USP40: variants seen among roughly 807,000 people sequenced by gnomAD.
USP40 encodes ubiquitin carboxyl-terminal hydrolase 40.
A neutral mutation model predicts 166.2 loss-of-function variants in USP40; 143 were observed. That is an observed-to-expected ratio of 0.86 (90% CI 0.75 to 0.99). USP40 has a LOEUF of 0.99. Ranked by LOEUF, USP40 falls within the 50% of genes least tolerant of loss-of-function variation. The pLI is 0.00. For synonymous variants in USP40, 498 were observed against 524.0 expected (o/e 0.95, Z 0.68); for missense variants, 1,444 against 1,479.7 (o/e 0.98, Z 0.40).
chr2:233,554,475 C>T lies in USP40; in HGVS notation c.598G>A (p.Asp200Asn), dbSNP rs779173983. 1.1e-5 allele frequency: 17 copies of T among 1,612,798 alleles called. No homozygotes were observed. Among genetic ancestry groups the T allele is most frequent in the Non-Finnish European group, 1.4e-5 (17 of 1,179,534 alleles). The change falls in exon 6 of 32, where the codon GAT (aspartate) becomes AAT (asparagine). Residue 200 changes from aspartate (D) to asparagine (N), a missense_variant. By Grantham distance (23) the Asp-to-Asn change is conservative. Transcript: ENST00000678225. ...VAVKNVSGLE[D>N]ALWNMYVEEE... is the part of the protein sequence containing the mutation. ...TCTACATACATGTTCCAGAGAGCATCTTCCAAACCGGATACATTTTTGACT... is the reference window on the plus strand; with the variant it reads ...TCTACATACATGTTCCAGAGAGCATTTTCCAAACCGGATACATTTTTGACT...
chr2:233,546,529 C>A (rs1001743572), intron 8 of USP40: 6 of 152,304 alleles, frequency 3.9e-5, no homozygotes, highest in Admixed American at 3.9e-4. Flanking sequence ...TGAGGTGGAA[C>A]CTGGGCTGGC....
At chr2:233,552,789 A>T (rs2070697758) in intron 6 of USP40, among the ~76,000 whole-genome samples, 2 of 152,250 alleles carry the variant, frequency 1.3e-5, no homozygotes. Context: ...TATAATCTCC[A>T]GGATACAAAA....
In USP40 at chr2:233,485,772, T is replaced by C; in HGVS notation, c.3403A>G (p.Ser1135Gly). Reference protein sequence around the residue: ...PEKFEWLPISSWNQQITKRKK... With the variant: ...PEKFEWLPISGWNQQITKRKK... ...AGACAGCCCCACAACTTTACCCAGC[T>C]AGATATCGGAAGCCACTCGAACTTT... The change falls in exon 29 of 32, where the codon AGC (serine) becomes GGC (glycine). Residue 1135 changes from serine to glycine, a missense_variant. Ser to Gly is a moderately conservative substitution (Grantham distance 56). Coordinates refer to ENST00000678225, the MANE Select transcript of USP40 (RefSeq NM_001365479.2). The C allele has an allele frequency of 1.2e-6, 2 of 1,613,194 alleles. No individual in the cohort carries two copies. The highest frequency in any genetic ancestry group is 8.5e-7 in the Non-Finnish European group (1 of 1,179,632).
intron 27 of USP40, 96 bp from the exon 28 acceptor site, chr2:233,488,400 G>A: frequency 1.6e-6 from 2 of 1,226,732 alleles, no homozygotes; most frequent in South Asian, 1.4e-5. Flanking sequence ...CTTAAGCAAA[G>A]AATTGTTTTC....
At position 233,533,572 on chromosome 2, in the gene USP40, T is replaced by G. The variant is rs748260896; in HGVS notation, c.1378A>C (p.Ile460Leu). The change falls in exon 11 of 32, where the codon ATC becomes CTC. Residue 460 changes from isoleucine (I) to leucine (L), a missense_variant. Transcript: ENST00000678225. ...FDINDSKVQP[I>L]REKDIEQQFQ... ...TGCTGTTCAATATCCTTTTCCCTGA[T>G]TGGCTGGACTTTAGAATCATTTATA... The G allele has an allele frequency of 6.2e-7, 1 of 1,613,904 alleles. No individual in the cohort carries two copies. Among genetic ancestry groups the G allele is most frequent in the Non-Finnish European group, 8.5e-7 (1 of 1,179,822 alleles).
chr2:233,500,965 AG>A (rs1283080147), intron 21 of USP40, among the ~76,000 whole-genome samples: 1 of 152,232 alleles, frequency 6.6e-6, no homozygotes, highest in Non-Finnish European at 1.5e-5. Context: ...GTGGTAACCA[AG>A]GGGGATTGTT....
intron 9 of USP40, among the ~76,000 whole-genome samples, chr2:233,541,639 C>T (rs902148562): frequency 2.0e-5 from 3 of 152,132 alleles, no homozygotes; most frequent in African/African-American, 7.2e-5. Flanking sequence ...TTAAAGTACT[C>T]GACCCAGGTC....
intron 24 of USP40, among the ~76,000 whole-genome samples, chr2:233,494,951 TATA>T (rs2065622921): frequency 3.2e-5 from 1 of 31,458 alleles, no homozygotes; most frequent in Non-Finnish European, 5.5e-5. Flanking sequence ...TATATATATA[TATA>T]TTTATATATA....
chr2:233,504,178 C>T (rs1350089449), intron 21 of USP40, among the ~76,000 whole-genome samples: 1 of 151,822 alleles, frequency 6.6e-6, no homozygotes, highest in Admixed American at 6.6e-5. Context: ...GAAAAAGAAA[C>T]AAAGCTTAGC....
intron 24 of USP40, 100 bp downstream of exon 24, chr2:233,496,657 CT>C (rs1277919096): frequency 4.6e-6 from 4 of 878,698 alleles, no homozygotes; most frequent in Non-Finnish European, 7.0e-6. Flanking sequence ...CTCTTTATGA[CT>C]GTCTGAATTT....
intron 8 of USP40, chr2:233,546,894 ATT>A (rs1394328483): frequency 6.6e-6 from 1 of 152,190 alleles, no homozygotes; most frequent in Non-Finnish European, 1.5e-5. Context: ...ATTGGCTCAA[ATT>A]AAACATGGTA....
Position 233,523,195 on chromosome 2 carries a change from T to C in USP40, c.2176A>G (p.Ile726Val). Residue 726 changes from isoleucine (I) to valine (V), a missense_variant, in exon 16 of 32, where the codon ATT (isoleucine) becomes GTT (valine). Physicochemically the swap from Ile to Val is conservative, Grantham distance 29. Transcript: ENST00000678225. ...CTGTTATCATCATGAGAATCCTGAA[T>C]TAAAATTGAGCTTCCATTTCTGAGC... ...QGLRNGSSIL[I>V]QDSHDDNSLL... 1 of 1,611,576 alleles carries C rather than the reference T, an allele frequency of 6.2e-7. No individual in the cohort carries two copies. Among genetic ancestry groups the C allele is most frequent in the Non-Finnish European group, 8.5e-7 (1 of 1,178,084 alleles).
At chr2:233,502,540 C>A (rs1347368290) in intron 21 of USP40, among the ~76,000 whole-genome samples, 2 of 152,152 alleles carry the variant, frequency 1.3e-5, no homozygotes, top group African/African-American at 4.8e-5. Context: ...GTGGCCCTGC[C>A]TCCCCAGAGA....
chr2:233,493,560 T>G lies in USP40; in HGVS notation c.2791-9A>C. 6.2e-7 allele frequency: 1 copy of G among 1,608,046 alleles called. No individual in the cohort carries two copies. Among genetic ancestry groups the G allele is most frequent in the Admixed American group, 1.7e-5 (1 of 59,056 alleles). On this transcript the variant is annotated splice_polypyrimidine_tract_variant and intron_variant, in intron 24 of 31. Coordinates refer to ENST00000678225, the MANE Select transcript of USP40 (RefSeq NM_001365479.2). This position sits in a 1 kb window ranked among gnomAD's most constrained non-coding sequence, Gnocchi z 4.7. ...GGCACCTTCAGGAAACCCTGAAGAATGGAGCATGTTTAACTGCTGTGATTA... is the reference window on the plus strand; with the variant it reads ...GGCACCTTCAGGAAACCCTGAAGAAGGGAGCATGTTTAACTGCTGTGATTA...
At chr2:233,508,398 G>C (rs1424845494) in intron 21 of USP40, among the ~76,000 whole-genome samples, 6 of 152,178 alleles carry the variant, frequency 3.9e-5, no homozygotes, top group African/African-American at 1.4e-4. Flanking sequence ...TTGTAGAAGA[G>C]TTTTCTGATC....
chr2:233,511,833 A>G (rs2066863931), intron 19 of USP40, 36 bp from the exon 20 acceptor site: 1 of 1,466,968 alleles, frequency 6.8e-7, no homozygotes, highest in African/African-American at 1.4e-5. Flanking sequence ...GAAGGTTATT[A>G]ATTCCTAGCT....
In USP40 at chr2:233,485,525, ACTTAC is replaced by A. The variant is rs2064888867; in HGVS notation, c.3504+1_3504+5del. On this transcript the variant is annotated splice_donor_variant and splice_donor_5th_base_variant and intron_variant, in intron 30 of 31. Transcript: ENST00000678225. LOFTEE classifies it high-confidence loss of function. ...AAAGTGGTAAATTTGCTGTTAAACA[ACTTAC>A]CTTAACACCAATAGTATCTCCGTCT... 4 of 1,611,290 alleles carry A rather than the reference ACTTAC, an allele frequency of 2.5e-6. No individual in the cohort carries two copies. The highest frequency in any genetic ancestry group is 1.1e-5 in the South Asian group (1 of 90,538).
intron 24 of USP40, among the ~76,000 whole-genome samples, chr2:233,494,947 T>A (rs373146800): frequency 9.4e-5 from 3 of 31,956 alleles, no homozygotes; most frequent in African/African-American, 6.1e-4. Flanking sequence ...TATATATATA[T>A]ATATATATTT....
intron 21 of USP40, among the ~76,000 whole-genome samples, chr2:233,507,994 G>C (rs1199424220): frequency 6.6e-6 from 1 of 151,930 alleles, no homozygotes; most frequent in Non-Finnish European, 1.5e-5. Flanking sequence ...TTCAGATTTT[G>C]GAGCATTTTG....
Sources: allele counts gnomAD v4.1 joint callset (sites outside exome capture counted in the v4.1 genomes callset), GRCh38; gene constraint gnomAD v4.1.1; non-coding constraint Gnocchi (gnomAD v3.1); transcripts MANE v1.5; gene names NCBI Gene and HGNC (gene_info 2026-07-23, HGNC 2026-07-21).